Variants in CD247 observed in about 807,000 individuals in gnomAD.
CD247 encodes CD247 molecule, also known as T-cell surface glycoprotein CD3 zeta chain.
A neutral mutation model predicts 30.0 loss-of-function variants in CD247; 13 were observed. That is an observed-to-expected ratio of 0.43 (90% CI 0.28 to 0.69). The LOEUF is 0.69. Among genes scored for constraint, CD247 ranks in the 30% least tolerant of loss-of-function variants. CD247 has a pLI of 0.16. For missense variants in CD247, 193 were observed against 212.6 expected, an observed-to-expected ratio of 0.91 and a Z score of 0.57; for synonymous variants, 72 against 80.0, an observed-to-expected ratio of 0.90 and a Z score of 0.53.
At chr1:167,447,589 G>A (rs954881827) in intron 1 of CD247, among the ~76,000 whole-genome samples, 3 of 152,098 alleles carry the variant, frequency 2.0e-5, no homozygotes, top group African/African-American at 4.8e-5. Flanking sequence ...TAGGAAGCAC[G>A]GCAGGTAAGA....
intron 1 of CD247, among the ~76,000 whole-genome samples, chr1:167,503,361 T>C (rs1654990652): frequency 6.6e-6 from 1 of 152,196 alleles, no homozygotes; most frequent in African/African-American, 2.4e-5. Flanking sequence ...CATAACTTCC[T>C]CTTAGAGCCC....
chr1:167,454,476 CAG>C (rs1477714638), intron 1 of CD247, among the ~76,000 whole-genome samples: 3 of 152,242 alleles, frequency 2.0e-5, no homozygotes, highest in Non-Finnish European at 2.9e-5. Context: ...AGTGGAGGAA[CAG>C]GGGCTGGCCC....
intron 7 of CD247, among the ~76,000 whole-genome samples, chr1:167,431,995 CCTCTT>C (rs1333349503): frequency 6.6e-6 from 1 of 152,240 alleles, no homozygotes; most frequent in Non-Finnish European, 1.5e-5. Context: ...AATTCTCACC[CCTCTT>C]CTCAGCTCCT....
intron 1 of CD247, among the ~76,000 whole-genome samples, chr1:167,474,209 G>A (rs1653653618): frequency 6.6e-6 from 1 of 152,070 alleles, no homozygotes; most frequent in African/African-American, 2.4e-5. Flanking sequence ...TCTGAGTCTG[G>A]GGGTGGGGCT....
chr1:167,497,906 T>A (rs1371534680), intron 1 of CD247, among the ~76,000 whole-genome samples: 1 of 152,176 alleles, frequency 6.6e-6, no homozygotes, highest in Non-Finnish European at 1.5e-5. Context: ...ACAGATTCCA[T>A]GATGCCCAAG....
chr1:167,494,464 C>T lies in CD247; in HGVS notation c.58+23944G>A, dbSNP rs1187319566. Among the ~76,000 whole-genome samples the T allele has an allele frequency of 2.6e-5, 4 of 152,250 alleles. No homozygotes were observed. In the East Asian group the frequency reaches 5.8e-4, roughly 22 times the overall value. ...GACCTCGGGAGAAATCGCATAGCTCCCTGGGCTGCAGTTTTCCCATCTGTG... is the reference window on the plus strand; with the variant it reads ...GACCTCGGGAGAAATCGCATAGCTCTCTGGGCTGCAGTTTTCCCATCTGTG... On this transcript the variant is annotated intron_variant, in intron 1 of 7. Coordinates refer to ENST00000362089, the MANE Select transcript of CD247 (RefSeq NM_198053.3). This position sits in a 1 kb window ranked among gnomAD's most constrained non-coding sequence, Gnocchi z 7.3.
At chr1:167,435,571 C>T (rs112682394) in intron 4 of CD247, 137 bp from the exon 5 acceptor site, 1 of 753,842 alleles carries the variant, frequency 1.3e-6, no homozygotes, top group African/African-American at 1.7e-5. Flanking sequence ...CTGTGCTACC[C>T]CAGCCTTGCC....
chr1:167,456,896 T>C (rs1558005560), intron 1 of CD247, among the ~76,000 whole-genome samples: 1 of 152,214 alleles, frequency 6.6e-6, no homozygotes, highest in African/African-American at 2.4e-5. Flanking sequence ...TTTGTCATGT[T>C]AATGTGTACT....
At chr1:167,471,831 C>CTTTTTTTT (rs111891678) in intron 1 of CD247, among the ~76,000 whole-genome samples, 6 of 117,188 alleles carry the variant, frequency 5.1e-5, no homozygotes, top group Non-Finnish European at 6.9e-5. Context: ...CTGTTTCTTT[C>CTTTTTTTT]TTTTTTTTTT....
intron 1 of CD247, among the ~76,000 whole-genome samples, chr1:167,484,733 C>T (rs937843721): frequency 1.1e-4 from 16 of 152,204 alleles, no homozygotes; most frequent in African/African-American, 3.4e-4. Context: ...GCCGAGATCG[C>T]GCCACCGCAG....
intron 1 of CD247, among the ~76,000 whole-genome samples, chr1:167,510,255 G>T (rs980265204): frequency 7.9e-5 from 12 of 152,176 alleles, no homozygotes; most frequent in African/African-American, 2.2e-4. Context: ...GCATACAGGT[G>T]AGCATACAGT....
intron 1 of CD247, among the ~76,000 whole-genome samples, chr1:167,514,296 C>T (rs1434317691): frequency 6.6e-6 from 1 of 152,092 alleles, no homozygotes; most frequent in Non-Finnish European, 1.5e-5. Context: ...GCCACCATGC[C>T]CAGTTAATTT....
At chr1:167,479,335 G>T in intron 1 of CD247, among the ~76,000 whole-genome samples, 1 of 152,316 alleles carries the variant, frequency 6.6e-6, no homozygotes, top group Non-Finnish European at 1.5e-5. Flanking sequence ...ACGGGGAGGA[G>T]TGGGATTAAT....
chr1:167,434,584 G>A (rs1409981880), intron 5 of CD247: 5 of 362,224 alleles, frequency 1.4e-5, no homozygotes, highest in Non-Finnish European at 2.2e-5. Context: ...ACACCCAGGA[G>A]GGTGAGGTTG....
chr1:167,471,643 C>G (rs1437653702), intron 1 of CD247, among the ~76,000 whole-genome samples: 1 of 152,032 alleles, frequency 6.6e-6, no homozygotes, highest in Non-Finnish European at 1.5e-5. Context: ...CATTCTGTCT[C>G]TCACGCTGGA....
intron 4 of CD247, among the ~76,000 whole-genome samples, chr1:167,435,659 C>T (rs988658610): frequency 3.9e-5 from 6 of 152,256 alleles, no homozygotes; most frequent in Admixed American, 2.0e-4. Flanking sequence ...CTTCGCTCTT[C>T]CAGAGGGGCC....
chr1:167,481,391 A>C (rs1653967664), intron 1 of CD247, among the ~76,000 whole-genome samples: 1 of 152,240 alleles, frequency 6.6e-6, no homozygotes, highest in Admixed American at 6.5e-5. Context: ...AGGTAGAGTC[A>C]AACTTATACC....
intron 1 of CD247, among the ~76,000 whole-genome samples, chr1:167,487,156 A>C (rs759822321): frequency 5.6e-5 from 8 of 143,758 alleles, no homozygotes; most frequent in Non-Finnish European, 1.2e-4. Context: ...AGGTGTGTGG[A>C]TCACGGGGTC....
chr1:167,518,327 C>A, intron 1 of CD247, 81 bp downstream of exon 1: 2 of 1,341,742 alleles, frequency 1.5e-6, no homozygotes, highest in South Asian at 2.4e-5. Context: ...CCCCTCACCA[C>A]CCTCCACTAC....
Sources: allele counts gnomAD v4.1 joint callset (sites outside exome capture counted in the v4.1 genomes callset), GRCh38; gene constraint gnomAD v4.1.1; non-coding constraint Gnocchi (gnomAD v3.1); transcripts MANE v1.5; gene names NCBI Gene and HGNC (gene_info 2026-07-23, HGNC 2026-07-21).